SLC35F4: variants seen among roughly 807,000 people sequenced by gnomAD.
SLC35F4 encodes solute carrier family 35 member F4.
In SLC35F4, 24 loss-of-function variants were observed where a neutral mutation model predicts 44.2. The observed-to-expected ratio is 0.54, with a 90% CI of 0.39 to 0.76. SLC35F4 has a LOEUF of 0.76. SLC35F4 is among the 30% of genes least tolerant of loss of function. The probability of loss-of-function intolerance (pLI) is 0.00; values close to 1 mark genes in which losing one functional copy is unlikely to be tolerated. For missense variants in SLC35F4, 562 were observed against 586.1 expected, an observed-to-expected ratio of 0.96 and a Z score of 0.42; for synonymous variants, 238 against 223.6, an observed-to-expected ratio of 1.06 and a Z score of -0.57.
chr14:57,672,172 C>T (rs942447183), intron 1 of SLC35F4, among the ~76,000 whole-genome samples: 6 of 152,174 alleles, frequency 3.9e-5, no homozygotes, highest in East Asian at 3.9e-4. Context: ...CATGATCACT[C>T]GCAGAGGCCA....
chr14:57,739,916 G>T (rs1648162112), intron 1 of SLC35F4, among the ~76,000 whole-genome samples: 1 of 152,216 alleles, frequency 6.6e-6, no homozygotes, highest in African/African-American at 2.4e-5. Flanking sequence ...CTGGAGTGCA[G>T]TAGTGTGATC....
At chr14:57,850,719 C>G (rs924014224) in intron 1 of SLC35F4, among the ~76,000 whole-genome samples, 11 of 152,100 alleles carry the variant, frequency 7.2e-5, no homozygotes, top group Non-Finnish European at 2.9e-5. Flanking sequence ...TCCAGAGTGA[C>G]GATGTGTCAT....
intron 1 of SLC35F4, among the ~76,000 whole-genome samples, chr14:57,629,622 A>G (rs988806318): frequency 6.6e-5 from 10 of 152,162 alleles, no homozygotes; most frequent in Non-Finnish European, 1.5e-4. Context: ...AAATGTGCCC[A>G]TAAATAGAAA....
At chr14:57,844,197 A>G (rs1483131467) in intron 1 of SLC35F4, among the ~76,000 whole-genome samples, 6 of 152,210 alleles carry the variant, frequency 3.9e-5, no homozygotes. Context: ...AGGCCCAGCT[A>G]ATGTCAGAAA....
At chr14:57,806,341 T>C (rs145229836) in intron 1 of SLC35F4, among the ~76,000 whole-genome samples, 2 of 152,276 alleles carry the variant, frequency 1.3e-5, no homozygotes, top group African/African-American at 2.4e-5. Flanking sequence ...CATTGCCTTA[T>C]AGTATAGTCA....
intron 1 of SLC35F4, among the ~76,000 whole-genome samples, chr14:57,689,575 A>G (rs1372095393): frequency 6.6e-6 from 1 of 152,106 alleles, no homozygotes; most frequent in African/African-American, 2.4e-5. Flanking sequence ...AAAATTGAAT[A>G]TATCATTCCT....
chr14:57,630,826 C>G (rs1172395754), intron 1 of SLC35F4: 1 of 674,298 alleles, frequency 1.5e-6, no homozygotes, highest in Non-Finnish European at 1.9e-6. Context: ...AGGCAATGAT[C>G]ATAATCAAAA....
chr14:57,748,690 C>G (rs1177992718), intron 1 of SLC35F4, among the ~76,000 whole-genome samples: 1 of 152,042 alleles, frequency 6.6e-6, no homozygotes, highest in East Asian at 1.9e-4. Context: ...TGAAGATATC[C>G]AGAACTTTTA....
chr14:57,741,932 G>C (rs2076619768), intron 1 of SLC35F4, among the ~76,000 whole-genome samples: 2 of 152,274 alleles, frequency 1.3e-5, no homozygotes, highest in Admixed American at 6.5e-5. Flanking sequence ...CATTCTCAAA[G>C]AAAGGAATTT....
At chr14:57,753,389 C>T (rs1051730077) in intron 1 of SLC35F4, among the ~76,000 whole-genome samples, 7 of 152,098 alleles carry the variant, frequency 4.6e-5, no homozygotes, top group Non-Finnish European at 8.8e-5. Context: ...AGGCTGTCTA[C>T]CAGCTTCCCT....
chr14:57,812,883 A>T (rs1882130452), intron 1 of SLC35F4, among the ~76,000 whole-genome samples: 1 of 152,166 alleles, frequency 6.6e-6, no homozygotes, highest in Non-Finnish European at 1.5e-5. Flanking sequence ...ATGTCCTGAG[A>T]CCACAGGCCG....
At chr14:57,802,816 G>A (rs548485342) in intron 1 of SLC35F4, among the ~76,000 whole-genome samples, 4 of 151,998 alleles carry the variant, frequency 2.6e-5, no homozygotes, top group African/African-American at 4.8e-5. Context: ...AATTGAGGCA[G>A]TAATAAGTAG....
chr14:57,698,307 G>A (rs2075440798), intron 1 of SLC35F4, among the ~76,000 whole-genome samples: 2 of 152,032 alleles, frequency 1.3e-5, no homozygotes, highest in Non-Finnish European at 2.9e-5. Flanking sequence ...TCCTTGTTAG[G>A]GCACACTTAC....
chr14:57,902,478 G>C (rs1889022471), intron 1 of SLC35F4, among the ~76,000 whole-genome samples: 1 of 151,396 alleles, frequency 6.6e-6, no homozygotes, highest in African/African-American at 2.4e-5. Context: ...CAGGAGAATT[G>C]ATTGAACCTG....
At chr14:57,874,827 C>T (rs982146162) in intron 1 of SLC35F4, among the ~76,000 whole-genome samples, 4 of 152,130 alleles carry the variant, frequency 2.6e-5, no homozygotes, top group Non-Finnish European at 5.9e-5. Context: ...AGAAGGAATG[C>T]CCATCAAGGG....
chr14:57,669,547 T>C (rs565033766), intron 1 of SLC35F4, among the ~76,000 whole-genome samples: 4 of 152,256 alleles, frequency 2.6e-5, no homozygotes, highest in East Asian at 1.9e-4. Context: ...TGAAGGGCAG[T>C]TGAATTTTGT....
At chr14:57,607,892 A>G (rs2071258458) in intron 1 of SLC35F4, among the ~76,000 whole-genome samples, 1 of 152,202 alleles carries the variant, frequency 6.6e-6, no homozygotes, top group Non-Finnish European at 1.5e-5. Context: ...ATAATTGAAC[A>G]TGGGTGTAGA....
chr14:57,577,775 G>A (rs2068903078), intron 4 of SLC35F4, among the ~76,000 whole-genome samples: 1 of 152,074 alleles, frequency 6.6e-6, no homozygotes, highest in South Asian at 2.1e-4. Flanking sequence ...TTTCAAGGCT[G>A]CAAGAGCTGG....
chr14:57,794,527 T>C (rs1408503447), intron 1 of SLC35F4, among the ~76,000 whole-genome samples: 1 of 152,128 alleles, frequency 6.6e-6, no homozygotes, highest in Non-Finnish European at 1.5e-5. Flanking sequence ...TGACCATTAT[T>C]AACAAGTCAA....
Sources: gnomAD v4.1 joint callset for allele counts (sites outside exome capture counted in the v4.1 genomes callset) on GRCh38, gnomAD v4.1.1 for gene constraint, MANE v1.5 for transcripts, NCBI Gene and HGNC (gene_info 2026-07-23, HGNC 2026-07-21) for gene names.